The following KAZN variants were observed in gnomAD, a reference collection of about 807,000 sequenced individuals.
The protein encoded by KAZN is kazrin, periplakin interacting protein, also known as kazrin.
Under a neutral mutation model 87.4 loss-of-function variants are expected in KAZN, and 40 were observed. That is an observed-to-expected ratio of 0.46 (90% confidence interval 0.36 to 0.60). KAZN has a LOEUF of 0.60. Ranked by LOEUF, KAZN falls within the 20% of genes least tolerant of loss-of-function variation. The pLI is 0.00. For synonymous variants in KAZN, 466 were observed against 458.3 expected (o/e 1.02, Z -0.22); for missense variants, 898 against 1,073.9 (o/e 0.84, Z 2.29).
intron 1 of KAZN, among the ~76,000 whole-genome samples, chr1:14,733,782 C>A (rs556320773): frequency 7.9e-5 from 12 of 152,296 alleles, no homozygotes; most frequent in African/African-American, 2.9e-4. Context: ...GCATCTGAAC[C>A]ACCTGCGAGC....
chr1:14,121,087 GAGA>G (rs1050891829), intron 1 of KAZN, among the ~76,000 whole-genome samples: 14 of 152,192 alleles, frequency 9.2e-5, no homozygotes, highest in African/African-American at 3.4e-4. Flanking sequence ...GCAGAGGCGA[GAGA>G]AGGAGAGGGA....
chr1:14,679,154 A>G (rs1572204263), intron 1 of KAZN, among the ~76,000 whole-genome samples: 1 of 152,294 alleles, frequency 6.6e-6, no homozygotes, highest in East Asian at 1.9e-4. Flanking sequence ...TTGAAAATAT[A>G]GTTTGTTACT....
At chr1:14,411,654 G>A (rs1664312046) in intron 2 of KAZN, among the ~76,000 whole-genome samples, 1 of 152,156 alleles carries the variant, frequency 6.6e-6, no homozygotes, top group Admixed American at 6.5e-5. Flanking sequence ...GCTTCTAAAA[G>A]TTACATGCAC....
chr1:14,905,695 T>C (rs1656444131), intron 1 of KAZN, among the ~76,000 whole-genome samples: 1 of 149,372 alleles, frequency 6.7e-6, no homozygotes, highest in Non-Finnish European at 1.5e-5. Context: ...AATACAAAAA[T>C]TAGCTGGGCA....
At chr1:13,978,034 A>C (rs1017893307) in intron 1 of KAZN, among the ~76,000 whole-genome samples, 1 of 149,914 alleles carries the variant, frequency 6.7e-6, no homozygotes, top group Non-Finnish European at 1.5e-5. Context: ...AGGCTGAGAC[A>C]GCAGAATGGC....
At chr1:14,579,732 G>A (rs770524357) in intron 2 of KAZN, among the ~76,000 whole-genome samples, 7 of 151,988 alleles carry the variant, frequency 4.6e-5, no homozygotes, top group Non-Finnish European at 7.4e-5. Flanking sequence ...GATTCAGAAC[G>A]AACGGGAACA....
Position 14,323,368 on chromosome 1 carries a change from C to G in KAZN, c.249+142776C>G, listed in dbSNP as rs146300794. On this transcript the variant is annotated intron_variant, in intron 2 of 16. Transcript: ENST00000636203. ...AAACATTGGTGAACAGTATGAATAA[C>G]TACATAGGCTAATGTTCTGGTCACC... Among the ~76,000 whole-genome samples, 810 of 152,188 alleles carry G rather than the reference C, an allele frequency of 5.3e-3. 8 individuals are homozygous for G. Among genetic ancestry groups the G allele is most frequent in the African/African-American group, 0.018 (742 of 41,522 alleles).
chr1:15,099,724 C>T lies in KAZN; in HGVS notation c.1548-1819C>T, dbSNP rs536514916. On this transcript the variant is annotated intron_variant, in intron 10 of 14. Transcript: ENST00000376030. The surrounding 1 kb of genome is among the most constrained non-coding windows in gnomAD (Gnocchi z 5.4). ...ACAGAGTGTTGAGCAGGGGAGTGCA[C>T]GGTCACACTGACATTTTAAAAGGAC... Among the ~76,000 whole-genome samples the T allele has an allele frequency of 1.6e-4, 25 of 152,240 alleles. No homozygotes were observed. The highest frequency in any genetic ancestry group is 6.0e-4 in the African/African-American group (25 of 41,536).
intron 2 of KAZN, among the ~76,000 whole-genome samples, chr1:14,370,605 T>C (rs1267816348): frequency 2.0e-5 from 3 of 151,998 alleles, no homozygotes; most frequent in Non-Finnish European, 4.4e-5. Context: ...TACATGTGTG[T>C]CCACCTACCT....
At chr1:14,748,007 T>C (rs1403612443) in intron 1 of KAZN, among the ~76,000 whole-genome samples, 1 of 152,218 alleles carries the variant, frequency 6.6e-6, no homozygotes, top group Non-Finnish European at 1.5e-5. Context: ...TTTAGTCTTT[T>C]CCCCTTGTGA....
chr1:14,655,666 G>T (rs1166051023), intron 1 of KAZN, among the ~76,000 whole-genome samples: 4 of 152,214 alleles, frequency 2.6e-5, no homozygotes, highest in Non-Finnish European at 5.9e-5. Flanking sequence ...GGGAAACTGT[G>T]ACATGACATT....
intron 1 of KAZN, among the ~76,000 whole-genome samples, chr1:13,991,938 C>T (rs951167236): frequency 4.6e-5 from 7 of 152,116 alleles, no homozygotes; most frequent in African/African-American, 1.7e-4. Flanking sequence ...CCGTCTTTAT[C>T]GTCTTCCTGG....
chr1:14,526,729 C>G (rs570590942), intron 2 of KAZN, among the ~76,000 whole-genome samples: 6 of 152,132 alleles, frequency 3.9e-5, no homozygotes, highest in African/African-American at 9.7e-5. Flanking sequence ...CCCCTGGGAC[C>G]ATTTTCATAC....
chr1:14,535,850 A>G (rs1272877731), intron 2 of KAZN, among the ~76,000 whole-genome samples: 2 of 152,166 alleles, frequency 1.3e-5, no homozygotes, highest in Non-Finnish European at 2.9e-5. Flanking sequence ...GGCCATACAG[A>G]ACTCAAACAT....
chr1:15,044,068 C>A lies in KAZN; in HGVS notation c.635C>A (p.Ala212Asp). Residue 212 changes from alanine (A) to aspartate (D), a missense_variant, in exon 4 of 15, where the codon GCC (alanine) becomes GAC (aspartate). Physicochemically the swap from Ala to Asp is moderately radical, Grantham distance 126. Around this residue, in one of 3 missense-constraint regions of KAZN, gnomAD observed 521 missense variants for 689.4 expected, o/e 0.76. Transcript: ENST00000376030. Reference sequence around the variant, plus strand: ...GAGAAGTGGGAGCTGCGGCGCCAAGCCAAGGAGGCCACAGACCACGCCACG... The same window carrying A: ...GAGAAGTGGGAGCTGCGGCGCCAAGACAAGGAGGCCACAGACCACGCCACG... ...EREKWELRRQ[A>D]KEATDHATAL... The A allele has an allele frequency of 6.2e-7, 1 of 1,612,834 alleles. No individual in the cohort carries two copies.
chr1:14,325,538 GGA>G (rs575465670), intron 2 of KAZN, among the ~76,000 whole-genome samples: 1 of 152,028 alleles, frequency 6.6e-6, no homozygotes, highest in African/African-American at 2.4e-5. Context: ...CAGAAAAGTA[GGA>G]GAGAGAGAAA....
chr1:14,146,289 C>A (rs969255174), intron 1 of KAZN, among the ~76,000 whole-genome samples: 32 of 151,614 alleles, frequency 2.1e-4, no homozygotes, highest in African/African-American at 7.3e-4. Flanking sequence ...AATCCCAGCA[C>A]TTTGGGAGGC....
intron 1 of KAZN, among the ~76,000 whole-genome samples, chr1:13,984,290 G>A (rs543679825): frequency 9.8e-4 from 150 of 152,330 alleles, no homozygotes; most frequent in East Asian, 3.3e-3. Flanking sequence ...GATTACAGGC[G>A]TGAGCCACCG....
chr1:14,410,662 A>G (rs1464016948), intron 2 of KAZN, among the ~76,000 whole-genome samples: 3 of 152,252 alleles, frequency 2.0e-5, no homozygotes, highest in African/African-American at 7.2e-5. Context: ...GAATACAATC[A>G]GAACTGTCCT....
Sources: allele counts gnomAD v4.1 joint callset (sites outside exome capture counted in the v4.1 genomes callset), GRCh38; gene constraint gnomAD v4.1.1; regional missense constraint gnomAD v4.1.1; non-coding constraint Gnocchi (gnomAD v3.1); transcripts MANE v1.5; gene names NCBI Gene and HGNC (gene_info 2026-07-23, HGNC 2026-07-21).